Variants in IQGAP1 observed in about 807,000 individuals in gnomAD.
IQGAP1 encodes IQ motif containing GTPase activating protein 1, also known as ras GTPase-activating-like protein IQGAP1.
In IQGAP1, 66 loss-of-function variants were observed where a neutral mutation model predicts 215.6. The ratio of observed to expected loss-of-function variants is 0.31; its 90% CI spans 0.25 to 0.38. The LOEUF (loss-of-function observed/expected upper bound fraction) is 0.38, where lower values mean the gene tolerates loss of function less well. IQGAP1 is among the 10% of genes least tolerant of loss of function. IQGAP1 has a pLI of 1.00. For synonymous variants in IQGAP1, 772 were observed against 728.7 expected, an observed-to-expected ratio of 1.06 and a Z score of -0.96; for missense variants, 1,712 against 1,997.1, an observed-to-expected ratio of 0.86 and a Z score of 2.72.
intron 2 of IQGAP1, among the ~76,000 whole-genome samples, chr15:90,421,703 T>C (rs1965139090): frequency 6.6e-6 from 1 of 152,206 alleles, no homozygotes; most frequent in South Asian, 2.1e-4. Context: ...TGTTTGTTTG[T>C]CTTTTAAGAC....
intron 5 of IQGAP1, among the ~76,000 whole-genome samples, chr15:90,436,841 G>C (rs1237324604): frequency 6.6e-6 from 1 of 152,204 alleles, no homozygotes; most frequent in African/African-American, 2.4e-5. Context: ...AATAATTAAA[G>C]AGAGTTAAAA....
intron 18 of IQGAP1, among the ~76,000 whole-genome samples, 188 bp from the exon 19 acceptor site, chr15:90,472,652 G>T (rs1965921900): frequency 6.6e-6 from 1 of 151,814 alleles, no homozygotes; most frequent in African/African-American, 2.4e-5. Context: ...TAGGTGGGAG[G>T]ACGTGTGTGA....
rs575948075 is a variant in IQGAP1 at position 90,426,099 on chromosome 15, C to G, written c.156-11C>G. On this transcript the variant is annotated splice_polypyrimidine_tract_variant and intron_variant, in intron 2 of 37. Transcript: ENST00000268182. ...CCTTTCTTTTTTTGCATCCTCTCTC[C>G]TTTGGTGCAGGTGGATGGAAGCATG... 3 of 1,591,666 alleles carry G rather than the reference C, an allele frequency of 1.9e-6. No homozygotes were observed. The highest frequency in any genetic ancestry group is 1.1e-5 in the South Asian group (1 of 87,766).
chr15:90,410,807 A>C (rs1374267412), intron 2 of IQGAP1, among the ~76,000 whole-genome samples: 1 of 151,284 alleles, frequency 6.6e-6, no homozygotes, highest in African/African-American at 2.4e-5. Context: ...ACAAACCTGC[A>C]TGTTGTGCAC....
intron 2 of IQGAP1, among the ~76,000 whole-genome samples, chr15:90,409,807 C>T (rs1323296824): frequency 6.6e-6 from 1 of 152,184 alleles, no homozygotes; most frequent in Non-Finnish European, 1.5e-5. Flanking sequence ...CTCTCCAGCA[C>T]CTGTTGTTTC....
At chr15:90,416,734 C>T (rs1275818349) in intron 2 of IQGAP1, among the ~76,000 whole-genome samples, 2 of 152,080 alleles carry the variant, frequency 1.3e-5, no homozygotes, top group East Asian at 1.9e-4. Context: ...CCCGCCACCA[C>T]GCCCAGCTAA....
chr15:90,483,340 T>G (rs1167012740), intron 28 of IQGAP1, 21 bp from the exon 29 acceptor site: 4 of 1,569,290 alleles, frequency 2.5e-6, no homozygotes, highest in Non-Finnish European at 8.8e-7. Context: ...AATACCCATC[T>G]TTCTGTTTCG....
At chr15:90,397,054 T>C (rs980637239) in intron 2 of IQGAP1, among the ~76,000 whole-genome samples, 3 of 152,106 alleles carry the variant, frequency 2.0e-5, no homozygotes, top group Non-Finnish European at 4.4e-5. Flanking sequence ...GGTTTGACCA[T>C]GTTGGCCAGG....
rs10701656 is a variant in IQGAP1 at position 90,392,748 on chromosome 15, C to CT, written c.155+1892dup. The stretch of plus-strand genomic sequence containing the variant: ...TTTCTTGATTGAAGAATGTTTCTAT[C>CT]TTTTTTTTTTTTTTTTTGTACAGTC... On this transcript the variant is annotated intron_variant, in intron 2 of 37. Coordinates refer to ENST00000268182, the MANE Select transcript of IQGAP1 (RefSeq NM_003870.4). Among the ~76,000 whole-genome samples, 744 of 117,762 alleles carry CT rather than the reference C, an allele frequency of 6.3e-3. 33 individuals carry two copies. The highest frequency in any genetic ancestry group is 0.019 in the African/African-American group (551 of 28,790). 77.3% of individuals were successfully genotyped at this position (117,762 alleles called of 152,430 possible).
At chr15:90,403,743 G>T (rs1165807341) in intron 2 of IQGAP1, among the ~76,000 whole-genome samples, 1 of 151,820 alleles carries the variant, frequency 6.6e-6, no homozygotes, top group Non-Finnish European at 1.5e-5. Flanking sequence ...GTGTGATCTC[G>T]GCTCATTACA....
chr15:90,453,365 G>A (rs542325212), intron 13 of IQGAP1, 73 bp downstream of exon 13: 10 of 1,166,970 alleles, frequency 8.6e-6, no homozygotes, highest in South Asian at 3.2e-5. Context: ...TCAGTGCTCC[G>A]ATTTTCTTTG....
At chr15:90,471,883 G>A (rs997682150) in intron 18 of IQGAP1, among the ~76,000 whole-genome samples, 3 of 118,180 alleles carry the variant, frequency 2.5e-5, no homozygotes, top group Non-Finnish European at 5.0e-5. Flanking sequence ...AAAGGAGAAG[G>A]TAGATGTGGA....
chr15:90,453,920 A>T (rs1965643248), intron 13 of IQGAP1, among the ~76,000 whole-genome samples: 1 of 152,218 alleles, frequency 6.6e-6, no homozygotes, highest in African/African-American at 2.4e-5. Flanking sequence ...ACCATTAGAG[A>T]TACTAAGATT....
At chr15:90,422,609 CAT>C (rs750865545) in intron 2 of IQGAP1, among the ~76,000 whole-genome samples, 30,425 of 110,990 alleles carry the variant, frequency 0.27, 4,814 homozygotes, top group African/African-American at 0.49. Context: ...TTGTCTCATT[CAT>C]ATATATATAT....
chr15:90,432,363 C>A (rs992822346), intron 4 of IQGAP1, among the ~76,000 whole-genome samples: 1 of 152,148 alleles, frequency 6.6e-6, no homozygotes, highest in Admixed American at 6.6e-5. Context: ...TCTACTGTTA[C>A]AACAGCCTCC....
intron 26 of IQGAP1, among the ~76,000 whole-genome samples, 164 bp downstream of exon 26, chr15:90,478,053 A>G (rs889108148): frequency 2.6e-5 from 4 of 151,936 alleles, no homozygotes; most frequent in Non-Finnish European, 5.9e-5. Context: ...GTACAGTGGC[A>G]TAATCTCAGC....
chr15:90,458,657 G>A (rs1400187414), intron 15 of IQGAP1, among the ~76,000 whole-genome samples: 1 of 152,098 alleles, frequency 6.6e-6, no homozygotes. Flanking sequence ...GCCAAGTTTG[G>A]GAAACACTAA....
At chr15:90,403,036 C>G (rs980733067) in intron 2 of IQGAP1, among the ~76,000 whole-genome samples, 1 of 151,984 alleles carries the variant, frequency 6.6e-6, no homozygotes, top group Non-Finnish European at 1.5e-5. Flanking sequence ...TTACGGAGGC[C>G]GAGGAGGGAG....
chr15:90,472,405 A>G (rs922231240), intron 18 of IQGAP1, among the ~76,000 whole-genome samples: 1 of 152,180 alleles, frequency 6.6e-6, no homozygotes, highest in African/African-American at 2.4e-5. Context: ...TGCCTGGAGA[A>G]GCAATTTTCA....
Sources: gnomAD v4.1 joint callset for allele counts (sites outside exome capture counted in the v4.1 genomes callset) on GRCh38, gnomAD v4.1.1 for gene constraint, MANE v1.5 for transcripts, NCBI Gene and HGNC (gene_info 2026-07-23, HGNC 2026-07-21) for gene names.